SUPT6H: variants seen among roughly 807,000 people sequenced by gnomAD.
The protein encoded by SUPT6H is SPT6 homolog, histone chaperone and transcription elongation factor.
Under a neutral mutation model 222.3 loss-of-function variants are expected in SUPT6H, and 11 were observed. The observed-to-expected ratio is 0.05, with a 90% CI of 0.03 to 0.08. SUPT6H has a LOEUF of 0.08. Among genes scored for constraint, SUPT6H ranks in the 10% least tolerant of loss-of-function variants. The probability of loss-of-function intolerance (pLI) is 1.00; values close to 1 mark genes in which losing one functional copy is unlikely to be tolerated. For missense variants in SUPT6H, 1,422 were observed against 2,216.0 expected, an observed-to-expected ratio of 0.64 and a Z score of 7.19; for synonymous variants, 762 against 801.2, an observed-to-expected ratio of 0.95 and a Z score of 0.83.
rs770661947 is a variant in SUPT6H at position 28,677,217 on chromosome 17, C to CA, written c.898-483dup. Among the ~76,000 whole-genome samples the CA allele has an allele frequency of 6.3e-3, 831 of 132,184 alleles. 3 individuals are homozygous for CA. Among genetic ancestry groups the CA allele is most frequent in the South Asian group, 0.029 (120 of 4,164 alleles). The allele number at this position is 132,184 out of a possible 152,430, so 86.7% of individuals were successfully genotyped here. A position where few individuals can be genotyped will look rare whatever the true frequency, so the allele number is the denominator to read the frequency against. On this transcript the variant is annotated intron_variant, in intron 7 of 36. Transcript: ENST00000314616. Reference sequence around the variant, plus strand: ...GTAAAACCCTGTCTCTACTAAAATACAAAAAAAAAAAAAAATTAGCTGGGC... The same window carrying CA: ...GTAAAACCCTGTCTCTACTAAAATACAAAAAAAAAAAAAAAATTAGCTGGGC...
chr17:28,691,617 G>A (rs1316971151), intron 27 of SUPT6H: 3 of 152,490 alleles, frequency 2.0e-5, no homozygotes, highest in East Asian at 1.9e-4. Flanking sequence ...TTGGGAGGCC[G>A]AGGCGGGCGG....
rs1445612599 is a variant in SUPT6H, at chr17:28,675,313, A to G, written c.539-88A>G. On this transcript the variant is annotated intron_variant, in intron 5 of 36. Transcript: ENST00000314616. ...CAGGAGCTTCCCTTCTCTGTTGCTC[A>G]CTGGCCACTCACATAGTAGGAACCA... 5 of 1,514,190 alleles carry G rather than the reference A, an allele frequency of 3.3e-6. No individual in the cohort carries two copies. In the Admixed American group the frequency reaches 5.3e-5, roughly 16 times the overall value. The allele number at this position is 1,514,190 out of a possible 1,614,324, so 93.8% of individuals were successfully genotyped here.
Position 28,674,385 on chromosome 17 carries a change from A to T in SUPT6H, c.212A>T (p.Glu71Val). ...DDDEDEGEED[E>V]GSDSGDSEDD... ...GATGAAGATGAAGGGGAGGAGGATG[A>T]GGGCAGTGACTCTGGTGATTCAGAA... Residue 71 changes from glutamate to valine, a missense_variant, in exon 3 of 37, where the codon GAG becomes GTG. Coordinates refer to ENST00000314616, the MANE Select transcript of SUPT6H (RefSeq NM_003170.5). 6.2e-7 allele frequency: 1 copy of T among 1,613,946 alleles called. No homozygotes were observed. The highest frequency in any genetic ancestry group is 1.1e-5 in the South Asian group (1 of 91,048).
chr17:28,698,195 T>C (rs2032003359), intron 32 of SUPT6H, among the ~76,000 whole-genome samples, 165 bp downstream of exon 32: 1 of 152,124 alleles, frequency 6.6e-6, no homozygotes, highest in Non-Finnish European at 1.5e-5. Context: ...AGGGTGATGA[T>C]TTCAAGGCAA....
At chr17:28,689,123 G>T in intron 24 of SUPT6H, 1 of 486,732 alleles carries the variant, frequency 2.1e-6, no homozygotes, top group South Asian at 3.1e-5. Context: ...ACAAAAATGG[G>T]ATCATATGGT....
chr17:28,677,146 G>A lies in SUPT6H; in HGVS notation c.898-569G>A, dbSNP rs561746931. On this transcript the variant is annotated intron_variant, in intron 7 of 36. Coordinates refer to ENST00000314616, the MANE Select transcript of SUPT6H (RefSeq NM_003170.5). ...CTAGCACTTTGGGAGGCCAAGGTGG[G>A]TGGATTGCCTGAGCTCAGGAGTTAG... Among the ~76,000 whole-genome samples the A allele has an allele frequency of 2.6e-5, 4 of 151,942 alleles. No homozygotes were observed. In the South Asian group the frequency reaches 8.3e-4, roughly 32 times the overall value.
intron 9 of SUPT6H, 148 bp downstream of exon 9, chr17:28,678,340 A>T: frequency 3.5e-6 from 3 of 863,938 alleles, no homozygotes; most frequent in Admixed American, 5.3e-5. Flanking sequence ...GACCCTAGTG[A>T]TCGTAAGAAC....
chr17:28,666,013 T>C (rs1333242896), intron 1 of SUPT6H, among the ~76,000 whole-genome samples: 1 of 152,234 alleles, frequency 6.6e-6, no homozygotes, highest in Non-Finnish European at 1.5e-5. Context: ...TCCTTATGAC[T>C]TCTCCAACCC....
At chr17:28,664,581 C>T (rs1186527950) in intron 1 of SUPT6H, among the ~76,000 whole-genome samples, 1 of 152,196 alleles carries the variant, frequency 6.6e-6, no homozygotes, top group Non-Finnish European at 1.5e-5. Context: ...TTTAGGTAAC[C>T]CAGCCCCATG....
intron 9 of SUPT6H, 21 bp downstream of exon 9, chr17:28,678,213 G>A (rs2030875562): frequency 1.9e-6 from 3 of 1,595,762 alleles, no homozygotes; most frequent in Non-Finnish European, 1.7e-6. Context: ...AAGCTCTGGT[G>A]GCCCATTGGT....
chr17:28,684,851 C>T lies in SUPT6H; in HGVS notation c.2377C>T (p.Pro793Ser). 1 of 1,614,086 alleles carries T rather than the reference C, an allele frequency of 6.2e-7. No homozygotes were observed. Among genetic ancestry groups the T allele is most frequent in the Non-Finnish European group, 8.5e-7 (1 of 1,179,984 alleles). Residue 793 changes from proline (P) to serine (S), a missense_variant, in exon 19 of 37, where the codon CCT becomes TCT. Transcript: ENST00000314616. ...GIAFSSARDH[P>S]VFCALVNGEG... ...TTTCTGTCTGTCTGGCAGAGATCAC[C>T]CTGTGTTCTGCGCCCTGGTCAATGG... is the stretch of plus-strand genomic sequence containing the variant.
chr17:28,674,072 C>T (rs1367129206), intron 2 of SUPT6H, among the ~76,000 whole-genome samples: 1 of 152,148 alleles, frequency 6.6e-6, no homozygotes, highest in African/African-American at 2.4e-5. Flanking sequence ...TGCCCAAAGA[C>T]AGATGGTGAA....
chr17:28,684,466 G>GCACAT, intron 17 of SUPT6H, 120 bp from the exon 18 acceptor site: 14 of 1,241,046 alleles, frequency 1.1e-5, no homozygotes, highest in Non-Finnish European at 1.6e-5. Context: ...AGGAACATCT[G>GCACAT]CACATAAGAG....
rs756560241 is a variant in SUPT6H at position 28,695,505 on chromosome 17, C to G, written c.3928C>G (p.His1310Asp). 6.2e-7 allele frequency: 1 copy of G among 1,614,046 alleles called. No homozygotes were observed. The highest frequency in any genetic ancestry group is 2.2e-5 in the East Asian group (1 of 44,872). Reference sequence around the variant, plus strand: ...TGACTTTGATGCTGAAGCTGCAGACCACAAGCAGGAGGAGGACATGAAGCG... The same window carrying G: ...TGACTTTGATGCTGAAGCTGCAGACGACAAGCAGGAGGAGGACATGAAGCG... Reference protein sequence around the residue: ...YYDFDAEAADHKQEEDMKRKQ... With the variant: ...YYDFDAEAADDKQEEDMKRKQ... Residue 1310 changes from histidine to aspartate, a missense_variant, in exon 29 of 37, where the codon CAC (histidine) becomes GAC (aspartate). Around this residue, in one of 13 missense-constraint regions of SUPT6H, gnomAD observed 395 missense variants for 580.6 expected, o/e 0.68. Transcript: ENST00000314616.
Position 28,686,742 on chromosome 17 carries a change from G to A in SUPT6H, c.2653G>A (p.Val885Ile). 2 of 1,612,944 alleles carry A rather than the reference G, an allele frequency of 1.2e-6. No homozygotes were observed. Among genetic ancestry groups the A allele is most frequent in the South Asian group, 1.1e-5 (1 of 90,876 alleles). Residue 885 changes from valine (V) to isoleucine (I), a missense_variant, in exon 21 of 37, where the codon GTT becomes ATT. By Grantham distance (29) the Val-to-Ile change is conservative. Transcript: ENST00000314616. ...QQLSSIGVEL[V>I]DNELAILYMN... is the part of the protein sequence containing the mutation. ...GCTGTCATCTATTGGGGTAGAGCTGGTTGACAACGAGTTGGCCATTCTCTA... is the reference window on the plus strand; with the variant it reads ...GCTGTCATCTATTGGGGTAGAGCTGATTGACAACGAGTTGGCCATTCTCTA...
chr17:28,691,166 C>G, intron 27 of SUPT6H, 103 bp downstream of exon 27: 1 of 1,407,384 alleles, frequency 7.1e-7, no homozygotes, highest in Non-Finnish European at 9.7e-7. Context: ...CATTCTCTCA[C>G]CAAACAAGTA....
chr17:28,674,835 G>A (rs904633743), intron 4 of SUPT6H, 135 bp from the exon 5 acceptor site: 4 of 1,141,806 alleles, frequency 3.5e-6, no homozygotes, highest in Non-Finnish European at 5.0e-6. Flanking sequence ...GGCTACAAGA[G>A]CATCACTCGG....
rs754407097 is a variant in SUPT6H at position 28,683,421 on chromosome 17, G to C, written c.2032G>C (p.Gly678Arg). The C allele has an allele frequency of 2.9e-5, 47 of 1,614,144 alleles. No individual in the cohort carries two copies. The highest frequency in any genetic ancestry group is 4.0e-5 in the Non-Finnish European group (47 of 1,180,004). The change falls in exon 16 of 37, where the codon GGC (glycine) becomes CGC (arginine). Residue 678 changes from glycine to arginine, a missense_variant and splice_region_variant. Physicochemically the swap from Gly to Arg is moderately radical, Grantham distance 125. Transcript: ENST00000314616. ...DISIDLKGVE[G>R]YGNDQTYFEE... ...CAGCATAGATTTGAAGGGAGTGGAA[G>C]GGTAAGCAGAGCCCTGGGCTGGCGA...
intron 11 of SUPT6H, chr17:28,681,055 A>C (rs1201967763): frequency 3.6e-6 from 2 of 549,150 alleles, no homozygotes; most frequent in African/African-American, 3.9e-5. Context: ...GGTTCAAGTG[A>C]TCATCCCATC....
Sources: gnomAD v4.1 joint callset for allele counts (sites outside exome capture counted in the v4.1 genomes callset) on GRCh38, gnomAD v4.1.1 for gene constraint, gnomAD v4.1.1 regional missense constraint, MANE v1.5 for transcripts, NCBI Gene and HGNC (gene_info 2026-07-23, HGNC 2026-07-21) for gene names.